The following DNAH5 variants were observed in gnomAD, a reference collection of about 807,000 sequenced individuals.
DNAH5 encodes the protein dynein axonemal heavy chain 5, also known as axonemal beta dynein heavy chain 5.
A neutral mutation model predicts 518.2 loss-of-function variants in DNAH5; 372 were observed. That is an observed-to-expected ratio of 0.72 (90% CI 0.66 to 0.78). DNAH5 has a LOEUF of 0.78. DNAH5 is among the 30% of genes least tolerant of loss of function. The pLI is 0.00. For synonymous variants in DNAH5, 2,039 were observed against 2,025.9 expected (o/e 1.01, Z -0.17); for missense variants, 5,523 against 5,687.0 (o/e 0.97, Z 0.93).
At chr5:13,833,451 A>C (rs1456777899) in intron 35 of DNAH5, among the ~76,000 whole-genome samples, 1 of 151,368 alleles carries the variant, frequency 6.6e-6, no homozygotes, top group Non-Finnish European at 1.5e-5. Flanking sequence ...CCAAAAAAAA[A>C]AAAAAAGTGT....
chr5:13,868,624 G>C (rs1769627235), intron 24 of DNAH5, among the ~76,000 whole-genome samples: 1 of 152,164 alleles, frequency 6.6e-6, no homozygotes, highest in African/African-American at 2.4e-5. Flanking sequence ...CCTCCCCATA[G>C]AGGTGGAATG....
intron 12 of DNAH5, among the ~76,000 whole-genome samples, chr5:13,903,616 G>C (rs543914779): frequency 2.0e-5 from 3 of 151,888 alleles, no homozygotes; most frequent in Non-Finnish European, 1.5e-5. Context: ...AATCACAAAA[G>C]GGAGAAATCA....
chr5:13,846,601 G>A (rs1250080023), intron 31 of DNAH5, among the ~76,000 whole-genome samples: 2 of 152,132 alleles, frequency 1.3e-5, no homozygotes, highest in Non-Finnish European at 2.9e-5. Context: ...CACTCATTGA[G>A]AAAAAGGCAA....
chr5:13,777,065 C>G, intron 54 of DNAH5, 137 bp downstream of exon 54: 2 of 837,968 alleles, frequency 2.4e-6, no homozygotes, highest in Non-Finnish European at 3.7e-6. Context: ...AATAGAAAAA[C>G]CCATCCTTCA....
intron 17 of DNAH5, 107 bp downstream of exon 17, chr5:13,890,869 C>T (rs1773126131): frequency 4.2e-6 from 5 of 1,204,770 alleles, no homozygotes; most frequent in South Asian, 3.9e-5. Flanking sequence ...TATCACAGAG[C>T]ACTGCAAGTA....
chr5:13,965,170 G>A (rs538738591), intron 1 of DNAH5, among the ~76,000 whole-genome samples: 17 of 152,194 alleles, frequency 1.1e-4, no homozygotes, highest in Non-Finnish European at 1.8e-4. Flanking sequence ...CTACCAGAAT[G>A]AGCCCCTCAA....
intron 31 of DNAH5, among the ~76,000 whole-genome samples, chr5:13,848,676 T>C (rs1438993432): frequency 2.6e-5 from 4 of 152,140 alleles, no homozygotes; most frequent in Non-Finnish European, 5.9e-5. Flanking sequence ...GTACGCAACC[T>C]AGATCCCTCG....
At chr5:13,883,792 T>C (rs771056436) in intron 19 of DNAH5, among the ~76,000 whole-genome samples, 19 of 152,158 alleles carry the variant, frequency 1.2e-4, no homozygotes, top group Non-Finnish European at 2.8e-4. Flanking sequence ...ATAATAACGC[T>C]GTGCCAAAGA....
Position 13,810,157 on chromosome 5 carries a change from A to AGGC in DNAH5, c.7508_7510dup (p.Arg2503dup). 1 of 1,548,526 alleles carries AGGC rather than the reference A, an allele frequency of 6.5e-7. No individual in the cohort carries two copies. The highest frequency in any genetic ancestry group is 8.7e-7 in the Non-Finnish European group (1 of 1,145,698). ...GGGCCGAGAGCGCAGCCAGAGCTCC[A>AGGC]GGCGGCGCCGTCCGTCCAGCTCCAG... On this transcript the variant is annotated inframe_insertion, in exon 45 of 79. Transcript: ENST00000265104.
rs2151857536 is a variant in DNAH5 at position 13,839,535 on chromosome 5, T to C, written c.5710-7A>G. 6.2e-7 allele frequency: 1 copy of C among 1,611,820 alleles called. No homozygotes were observed. The highest frequency in any genetic ancestry group is 1.1e-5 in the South Asian group (1 of 91,022). ...TCTTGATATGCATATGACACTGAAA[T>C]TCAAAAGGTATATGTTAGAGCTCTG... On this transcript the variant is annotated splice_polypyrimidine_tract_variant and splice_region_variant and intron_variant, in intron 34 of 78. Coordinates refer to ENST00000265104, the MANE Select transcript of DNAH5 (RefSeq NM_001369.3).
chr5:13,709,605 G>T (rs1247229948), intron 75 of DNAH5, among the ~76,000 whole-genome samples: 5 of 152,164 alleles, frequency 3.3e-5, no homozygotes, highest in African/African-American at 1.2e-4. Flanking sequence ...CTTGCATTGT[G>T]AACATTAGCT....
chr5:13,859,453 T>C lies in DNAH5; in HGVS notation c.4949A>G (p.Lys1650Arg), dbSNP rs772118953. 1.2e-6 allele frequency: 2 copies of C among 1,614,066 alleles called. No individual in the cohort carries two copies. The highest frequency in any genetic ancestry group is 1.3e-5 in the African/African-American group (1 of 75,042). Residue 1650 changes from lysine to arginine, a missense_variant and splice_region_variant, in exon 30 of 79, where the codon AAG (lysine) becomes AGG (arginine). By Grantham distance (26) the Lys-to-Arg change is conservative. Coordinates refer to ENST00000265104, the MANE Select transcript of DNAH5 (RefSeq NM_001369.3). The part of the protein sequence containing the change: ...VGGDIAKQLP[K>R]EAKRFSNIDK... ...AAATCATAAAGAAGATTACAAAACC[T>C]TGGGCAGCTGCTTGGCAATGTCTCC...
intron 76 of DNAH5, among the ~76,000 whole-genome samples, chr5:13,704,723 A>G (rs1389072689): frequency 6.6e-6 from 1 of 152,120 alleles, no homozygotes; most frequent in Non-Finnish European, 1.5e-5. Context: ...CCTCATCCAT[A>G]AATTTTGTCC....
At position 13,854,471 on chromosome 5, in the gene DNAH5, A is replaced by G. The variant is rs556932062; in HGVS notation, c.4951-3656T>C. Among the ~76,000 whole-genome samples, 58 of 152,394 alleles carry G rather than the reference A, an allele frequency of 3.8e-4. 1 individual carries two copies. The highest frequency in any genetic ancestry group is 1.4e-3 in the African/African-American group (57 of 41,604). The stretch of plus-strand genomic sequence containing the variant: ...AAGAAACTGCATCAACTAATGGACA[A>G]AATAACCAGCTAGCATCATAATGAC... On this transcript the variant is annotated intron_variant, in intron 30 of 78. Coordinates refer to ENST00000265104, the MANE Select transcript of DNAH5 (RefSeq NM_001369.3).
rs1194753077 is a variant in DNAH5, at chr5:13,961,637, C to A, written c.13-30393G>T. Among the ~76,000 whole-genome samples the A allele has an allele frequency of 3.0e-5, 4 of 133,076 alleles. No homozygotes were observed. In the Admixed American group the frequency reaches 3.2e-4, roughly 10 times the overall value. 87.3% of individuals were successfully genotyped at this position (133,076 alleles called of 152,430 possible). ...CCAGCCCGGGTGACAGAGCAAGACT[C>A]CTTCTGAAAAAAAGAAAAAGAAAAA... On this transcript the variant is annotated intron_variant, in intron 1 of 78. Transcript: ENST00000681290.
intron 1 of DNAH5, among the ~76,000 whole-genome samples, chr5:13,985,980 G>A (rs1021670620): frequency 7.2e-5 from 11 of 152,176 alleles, no homozygotes; most frequent in East Asian, 3.8e-4. Flanking sequence ...CTCCCGCTCC[G>A]TGACTTTGCA....
chr5:13,694,274 T>C (rs907538903), intron 78 of DNAH5, among the ~76,000 whole-genome samples: 2 of 152,236 alleles, frequency 1.3e-5, no homozygotes, highest in Non-Finnish European at 2.9e-5. Context: ...TTCTATTTAT[T>C]TTTAATTGCT....
At chr5:13,841,162 G>T in intron 33 of DNAH5, 32 bp from the exon 34 acceptor site, 1 of 1,511,590 alleles carries the variant, frequency 6.6e-7, no homozygotes, top group Non-Finnish European at 9.2e-7. Flanking sequence ...TCATGAATTT[G>T]TATGGCATAT....
At chr5:13,925,321 C>A (rs1777755177) in intron 3 of DNAH5, among the ~76,000 whole-genome samples, 1 of 152,184 alleles carries the variant, frequency 6.6e-6, no homozygotes, top group South Asian at 2.1e-4. Flanking sequence ...TGTCCTAGAA[C>A]TGATTAGACA....
Sources: allele counts gnomAD v4.1 joint callset (sites outside exome capture counted in the v4.1 genomes callset), GRCh38; gene constraint gnomAD v4.1.1; transcripts MANE v1.5; gene names NCBI Gene and HGNC (gene_info 2026-07-23, HGNC 2026-07-21).